PLA1A: variants seen among roughly 807,000 people sequenced by gnomAD.
PLA1A encodes phosphatidylserine-specific phospholipase A1alpha.
Under a neutral mutation model 49.4 loss-of-function variants are expected in PLA1A, and 47 were observed. That is an observed-to-expected ratio of 0.95 (90% CI 0.75 to 1.21). The LOEUF (loss-of-function observed/expected upper bound fraction) is 1.21, where lower values mean the gene tolerates loss of function less well. PLA1A is among the 50% of genes most tolerant of loss of function. The probability of loss-of-function intolerance (pLI) is 0.00; values close to 1 mark genes in which losing one functional copy is unlikely to be tolerated. For synonymous variants in PLA1A, 224 were observed against 207.9 expected (o/e 1.08, Z -0.67); for missense variants, 561 against 563.9 (o/e 0.99, Z 0.05).
chr3:119,612,956 G>A, intron 4 of PLA1A, 61 bp from the exon 5 acceptor site: 1 of 1,082,618 alleles, frequency 9.2e-7, no homozygotes, highest in African/African-American at 1.6e-5. Flanking sequence ...TGTGTGGTGG[G>A]TCCATGAATG....
Position 119,628,685 on chromosome 3 carries a change from T to C in PLA1A, c.1122-16T>C, listed in dbSNP as rs2052579541. 2 of 1,613,168 alleles carry C rather than the reference T, an allele frequency of 1.2e-6. No homozygotes were observed. Among genetic ancestry groups the C allele is most frequent in the South Asian group, 1.1e-5 (1 of 91,048 alleles). On this transcript the variant is annotated splice_polypyrimidine_tract_variant and intron_variant, in intron 9 of 10. Transcript: ENST00000273371. ...GGGCTACAGTCATTTACTTTCCCTT[T>C]ACCCTTTTCTTGCAGACCTAAGCAG...
chr3:119,629,494 C>A lies in PLA1A; in HGVS notation c.*26C>A, dbSNP rs769799388. The A allele has an allele frequency of 3.2e-6, 4 of 1,239,744 alleles. No homozygotes were observed. The highest frequency in any genetic ancestry group is 1.3e-5 in the South Asian group (1 of 76,712). 76.8% of individuals were successfully genotyped at this position (1,239,744 alleles called of 1,614,324 possible). ...TTTAACCTGGGCAGGACACATCTCCCTGCATTTTTTTTTTTTTTTTGAGAG... is the reference window on the plus strand; with the variant it reads ...TTTAACCTGGGCAGGACACATCTCCATGCATTTTTTTTTTTTTTTTGAGAG... On this transcript the variant is annotated 3_prime_UTR_variant, in exon 11 of 11. Transcript: ENST00000273371.
At chr3:119,613,961 C>T (rs550053796) in intron 5 of PLA1A, among the ~76,000 whole-genome samples, 1 of 152,248 alleles carries the variant, frequency 6.6e-6, no homozygotes, top group African/African-American at 2.4e-5. Context: ...CATCTCTCAA[C>T]CCGTTATGAC....
At chr3:119,620,417 G>A (rs1016659358) in intron 8 of PLA1A, among the ~76,000 whole-genome samples, 1 of 152,086 alleles carries the variant, frequency 6.6e-6, no homozygotes, top group African/African-American at 2.4e-5. Context: ...ATATCTTCCT[G>A]GTACCAGAAG....
At chr3:119,610,305 T>A (rs1474465645) in intron 4 of PLA1A, among the ~76,000 whole-genome samples, 1 of 152,202 alleles carries the variant, frequency 6.6e-6, no homozygotes, top group Non-Finnish European at 1.5e-5. Context: ...GGTATCCTTT[T>A]GGTAGAAGAA....
chr3:119,609,603 A>G, intron 4 of PLA1A, 27 bp downstream of exon 4: 3 of 814,186 alleles, frequency 3.7e-6, no homozygotes, highest in Non-Finnish European at 5.2e-6. Flanking sequence ...CCCATCCTCC[A>G]GGCTTTAGAG....
intron 5 of PLA1A, 77 bp downstream of exon 5, chr3:119,613,195 G>A (rs2272268): frequency 0.19 from 172,854 of 929,600 alleles, 20,600 homozygotes; most frequent in East Asian, 0.47. Context: ...TAGCTCTGTG[G>A]CCCTGGGCAG....
chr3:119,608,980 C>T, intron 3 of PLA1A, 33 bp downstream of exon 3: 1 of 1,575,710 alleles, frequency 6.3e-7, no homozygotes, highest in South Asian at 1.1e-5. Context: ...TGAGTTTGGG[C>T]TGCGTATGAG....
At chr3:119,608,242 G>GAGAAAGAA (rs560277882) in intron 2 of PLA1A, among the ~76,000 whole-genome samples, 4,128 of 123,460 alleles carry the variant, frequency 0.033, 120 homozygotes, top group East Asian at 0.11. Flanking sequence ...GAAAGAAAGA[G>GAGAAAGAA]AGAAAGAAAG....
Position 119,600,228 on chromosome 3 carries a change from A to T in PLA1A, c.73+2242A>T. On this transcript the variant is annotated intron_variant, in intron 1 of 10. Transcript: ENST00000273371. ...CCTCTTGGAAGTTCAGCCTCCACTC[A>T]CTTTCCTGGCTGTGTACCCACACAA... The T allele has an allele frequency of 5.1e-6, 3 of 586,338 alleles. No individual in the cohort carries two copies. The South Asian group carries it at 6.5e-5, about 13-fold the overall frequency. The allele number at this position is 586,338 out of a possible 1,614,324, so 36.3% of individuals were successfully genotyped here.
intron 1 of PLA1A, among the ~76,000 whole-genome samples, chr3:119,605,344 C>T (rs1437634838): frequency 6.6e-6 from 1 of 152,162 alleles, no homozygotes; most frequent in East Asian, 1.9e-4. Flanking sequence ...TCTACCACAG[C>T]GATGCTCCAG....
intron 1 of PLA1A, among the ~76,000 whole-genome samples, chr3:119,599,648 C>G (rs1265227038): frequency 1.3e-5 from 2 of 152,178 alleles, no homozygotes; most frequent in African/African-American, 4.8e-5. Flanking sequence ...AGCGCAGAAG[C>G]TGATCAGGTT....
At chr3:119,611,936 A>T (rs556225039) in intron 4 of PLA1A, among the ~76,000 whole-genome samples, 2 of 152,304 alleles carry the variant, frequency 1.3e-5, no homozygotes, top group Non-Finnish European at 2.9e-5. Flanking sequence ...GTAACAGCCC[A>T]CATCTCCTTG....
rs371499612 is a variant in PLA1A, at chr3:119,613,114, C to T, written c.660C>T (p.Thr220=). ...TCGTGGAAGCCATCCACACAGACAC[C>T]GACAGTGAGCTGGGGTGACCTTCCT... ...ALFVEAIHTD[T]DNLGIRIPVG... The change falls in exon 5 of 11, where the codon ACC becomes ACT. Residue 220 remains threonine (T), a synonymous_variant. Transcript: ENST00000273371. The T allele has an allele frequency of 5.6e-5, 89 of 1,599,830 alleles. No individual in the cohort carries two copies. Among genetic ancestry groups the T allele is most frequent in the African/African-American group, 1.7e-4 (13 of 74,654 alleles).
intron 1 of PLA1A, among the ~76,000 whole-genome samples, chr3:119,602,661 A>T (rs1366534366): frequency 6.6e-6 from 1 of 152,168 alleles, no homozygotes; most frequent in African/African-American, 2.4e-5. Flanking sequence ...AATGGATTTT[A>T]AAAATCCCTG....
chr3:119,620,913 G>A (rs546451682), intron 8 of PLA1A, among the ~76,000 whole-genome samples: 1 of 152,332 alleles, frequency 6.6e-6, no homozygotes, highest in East Asian at 1.9e-4. Flanking sequence ...GAAAAGGTCA[G>A]AACTCAACTC....
At chr3:119,600,842 G>A (rs2082608991) in intron 1 of PLA1A, among the ~76,000 whole-genome samples, 1 of 152,232 alleles carries the variant, frequency 6.6e-6, no homozygotes, top group Non-Finnish European at 1.5e-5. Flanking sequence ...GGGGGTGGCA[G>A]GAAGTTCAGT....
At chr3:119,623,861 G>A (rs999638657) in intron 8 of PLA1A, among the ~76,000 whole-genome samples, 2 of 151,410 alleles carry the variant, frequency 1.3e-5, no homozygotes. Context: ...AGTAGCTGGG[G>A]TTACAGGTGC....
At chr3:119,603,540 G>A (rs2082645322) in intron 1 of PLA1A, among the ~76,000 whole-genome samples, 1 of 151,940 alleles carries the variant, frequency 6.6e-6, no homozygotes, top group Admixed American at 6.6e-5. Flanking sequence ...AATTACTGTG[G>A]TATTCTTTTC....
Sources: gnomAD v4.1 joint callset for allele counts (sites outside exome capture counted in the v4.1 genomes callset) on GRCh38, gnomAD v4.1.1 for gene constraint, MANE v1.5 for transcripts, NCBI Gene and HGNC (gene_info 2026-07-23, HGNC 2026-07-21) for gene names.